Variants in SATB2 observed in about 807,000 individuals in gnomAD.
SATB2 encodes the protein SATB homeobox 2, also known as DNA-binding protein SATB2.
SATB2 carries 1 observed loss-of-function variant against 73.4 expected under a neutral mutation model. The observed-to-expected ratio is 0.01, with a 90% CI of 0.00 to 0.06. The LOEUF (loss-of-function observed/expected upper bound fraction) is 0.06. SATB2 is among the 10% of genes least tolerant of loss of function. The pLI, the probability that SATB2 is intolerant of heterozygous loss-of-function variation, is 1.00. For synonymous variants in SATB2, 397 were observed against 367.0 expected (o/e 1.08, Z -0.93); for missense variants, 459 against 945.8 (o/e 0.49, Z 6.75).
chr2:199,405,753 A>G (rs1393238918), intron 3 of SATB2, among the ~76,000 whole-genome samples: 1 of 152,178 alleles, frequency 6.6e-6, no homozygotes, highest in Non-Finnish European at 1.5e-5. Flanking sequence ...CAAACTCCAC[A>G]TGCTTATTTC....
chr2:199,381,551 T>G (rs1689776113), intron 4 of SATB2, 143 bp downstream of exon 4: 1 of 1,181,504 alleles, frequency 8.5e-7, no homozygotes, highest in Non-Finnish European at 1.3e-6. Context: ...TCTCCTTCTC[T>G]CCTTCTTTCC....
At chr2:199,458,629 G>A, upstream of SATB2, 1 of 437,924 alleles carries the variant, frequency 2.3e-6, no homozygotes, top group African/African-American at 2.1e-5. Context: ...GTCGCTGGGT[G>A]CCGCGTCTGC....
chr2:199,386,398 A>G (rs1388532569), intron 3 of SATB2, among the ~76,000 whole-genome samples: 1 of 152,194 alleles, frequency 6.6e-6, no homozygotes. Flanking sequence ...AAGAACCGAA[A>G]TAATTCAGGT....
At chr2:199,394,951 A>G (rs1690254234) in intron 3 of SATB2, among the ~76,000 whole-genome samples, 1 of 152,212 alleles carries the variant, frequency 6.6e-6, no homozygotes. Context: ...GAGAAAAAAA[A>G]AGATCCATTT....
intron 3 of SATB2, among the ~76,000 whole-genome samples, chr2:199,413,287 G>A (rs1196470941): frequency 6.6e-6 from 1 of 152,112 alleles, no homozygotes; most frequent in Non-Finnish European, 1.5e-5. Flanking sequence ...AGAAAACTGA[G>A]GTTCAAAGAA....
At chr2:199,377,333 G>A (rs1689635248) in intron 5 of SATB2, among the ~76,000 whole-genome samples, 1 of 152,174 alleles carries the variant, frequency 6.6e-6, no homozygotes, top group Non-Finnish European at 1.5e-5. Context: ...AGCTGAGATC[G>A]TGCCACTACA....
chr2:199,387,434 G>C (rs575929426), intron 3 of SATB2, among the ~76,000 whole-genome samples: 15 of 152,314 alleles, frequency 9.8e-5, no homozygotes, highest in African/African-American at 3.4e-4. Flanking sequence ...GAAGTCTGAA[G>C]AGCCAGTTAA....
At chr2:199,415,882 C>T (rs1028350754) in intron 3 of SATB2, among the ~76,000 whole-genome samples, 1 of 152,200 alleles carries the variant, frequency 6.6e-6, no homozygotes, top group Non-Finnish European at 1.5e-5. Flanking sequence ...GGGCCAGTAA[C>T]ACTCCATGTG....
intron 3 of SATB2, among the ~76,000 whole-genome samples, chr2:199,401,294 T>C (rs951197471): frequency 1.3e-5 from 2 of 151,984 alleles, no homozygotes; most frequent in African/African-American, 2.4e-5. Flanking sequence ...ACACCTGTAA[T>C]ACCAGCACTT....
At chr2:199,348,680 A>T in intron 7 of SATB2, 21 bp downstream of exon 7, 1 of 1,523,912 alleles carries the variant, frequency 6.6e-7, no homozygotes, top group Middle Eastern at 1.8e-4. Context: ...TGTTAATTAC[A>T]GTGTTTAATG....
chr2:199,384,620 T>C (rs13423087), intron 3 of SATB2, among the ~76,000 whole-genome samples: 2 of 152,216 alleles, frequency 1.3e-5, no homozygotes, highest in South Asian at 2.1e-4. Context: ...GAAATCAAAT[T>C]GGGAAGCAGT....
At chr2:199,343,054 G>A (rs1688553022) in intron 7 of SATB2, among the ~76,000 whole-genome samples, 1 of 151,958 alleles carries the variant, frequency 6.6e-6, no homozygotes, top group Admixed American at 6.6e-5. Flanking sequence ...ACTGGGCAGG[G>A]TTTTCTTTTC....
At chr2:199,448,405 GTT>G (rs1008586343) in intron 2 of SATB2, among the ~76,000 whole-genome samples, 1 of 151,504 alleles carries the variant, frequency 6.6e-6, no homozygotes, top group African/African-American at 2.4e-5. Context: ...ATTTTCTTGT[GTT>G]AAAAAAAAAA....
chr2:199,395,098 T>C lies in SATB2; in HGVS notation c.347-13278A>G, dbSNP rs192950270. On this transcript the variant is annotated intron_variant, in intron 3 of 10. Transcript: ENST00000417098. ...TTCATGTCTAATTTTCTTTTTTTTTTTGAGACGGAGTCTCACTCTGTCGCC... is the reference window on the plus strand; with the variant it reads ...TTCATGTCTAATTTTCTTTTTTTTTCTGAGACGGAGTCTCACTCTGTCGCC... Among the ~76,000 whole-genome samples, 816 of 152,314 alleles carry C rather than the reference T, an allele frequency of 5.4e-3. 3 individuals are homozygous for C. The highest frequency in any genetic ancestry group is 7.5e-3 in the Non-Finnish European group (513 of 68,028).
chr2:199,296,958 T>C (rs1419123014), intron 10 of SATB2, among the ~76,000 whole-genome samples: 1 of 152,212 alleles, frequency 6.6e-6, no homozygotes, highest in African/African-American at 2.4e-5. Flanking sequence ...AATAATCATA[T>C]AGAAAAATTT....
intron 3 of SATB2, among the ~76,000 whole-genome samples, chr2:199,419,332 C>G (rs1691095392): frequency 6.6e-6 from 1 of 152,198 alleles, no homozygotes; most frequent in South Asian, 2.1e-4. Flanking sequence ...CAACACATAT[C>G]TTCCAGGAAA....
At chr2:199,371,161 G>C (rs1317929312) in intron 5 of SATB2, among the ~76,000 whole-genome samples, 1 of 151,740 alleles carries the variant, frequency 6.6e-6, no homozygotes, top group Admixed American at 6.6e-5. Context: ...AAATATCTTG[G>C]GAATATTTTA....
At chr2:199,408,467 A>G (rs79948957) in intron 3 of SATB2, among the ~76,000 whole-genome samples, 1,756 of 152,308 alleles carry the variant, frequency 0.012, 38 homozygotes, top group African/African-American at 0.04. Flanking sequence ...ATAGAAAGTC[A>G]AGACCACAAT....
chr2:199,272,704 G>C lies in SATB2; in HGVS notation c.1741-32C>G, dbSNP rs1263866049. 2 of 1,584,468 alleles carry C rather than the reference G, an allele frequency of 1.3e-6. No homozygotes were observed. Among genetic ancestry groups the C allele is most frequent in the East Asian group, 2.2e-5 (1 of 44,740 alleles). On this transcript the variant is annotated intron_variant, in intron 10 of 10. Transcript: ENST00000417098. This position sits in a 1 kb window ranked among gnomAD's most constrained non-coding sequence, Gnocchi z 6.7. ...ATTAAGAGAGAAAAAAATGAACACTGGACTCATGATTTTACCTTTCCAAAA... is the reference window on the plus strand; with the variant it reads ...ATTAAGAGAGAAAAAAATGAACACTCGACTCATGATTTTACCTTTCCAAAA...
Sources: allele counts gnomAD v4.1 joint callset (sites outside exome capture counted in the v4.1 genomes callset), GRCh38; gene constraint gnomAD v4.1.1; non-coding constraint Gnocchi (gnomAD v3.1); transcripts MANE v1.5; gene names NCBI Gene and HGNC (gene_info 2026-07-23, HGNC 2026-07-21).